Variants in GRM7 observed in about 807,000 individuals in gnomAD.
GRM7 encodes the protein metabotropic glutamate receptor 7.
A neutral mutation model predicts 84.5 loss-of-function variants in GRM7; 35 were observed. The observed-to-expected ratio is 0.41, with a 90% CI of 0.32 to 0.55. GRM7 has a LOEUF of 0.55. Ranked by LOEUF, GRM7 falls within the 20% of genes least tolerant of loss-of-function variation. The pLI is 0.19. For missense variants in GRM7, 1,003 were observed against 1,194.6 expected, an observed-to-expected ratio of 0.84 and a Z score of 2.36; for synonymous variants, 487 against 455.1, an observed-to-expected ratio of 1.07 and a Z score of -0.89.
At chr3:7,667,280 A>AAAAAG (rs1553634441) in intron 8 of GRM7, among the ~76,000 whole-genome samples, 105 of 148,818 alleles carry the variant, frequency 7.1e-4, no homozygotes, top group Non-Finnish European at 1.2e-3. Context: ...AAAAAAAAAA[A>AAAAAG]AGAGAGAGAG....
intron 7 of GRM7, among the ~76,000 whole-genome samples, chr3:7,478,861 G>GT (rs1699025931): frequency 5.9e-5 from 9 of 152,150 alleles, no homozygotes; most frequent in Admixed American, 5.2e-4. Context: ...GTTAGCTTTT[G>GT]TTTTACTGAC....
At chr3:7,730,262 TC>T (rs1308669182) in intron 9 of GRM7, among the ~76,000 whole-genome samples, 3 of 152,178 alleles carry the variant, frequency 2.0e-5, no homozygotes, top group Admixed American at 6.5e-5. Context: ...CACCTTGGCC[TC>T]CCAAAGTGCT....
intron 4 of GRM7, among the ~76,000 whole-genome samples, chr3:7,387,564 A>G (rs1694833909): frequency 6.6e-6 from 1 of 151,776 alleles, no homozygotes; most frequent in Non-Finnish European, 1.5e-5. Context: ...TCTATTGTTT[A>G]TTTGCTGACT....
intron 2 of GRM7, among the ~76,000 whole-genome samples, chr3:7,240,120 G>GTCTTTT (rs1697495230): frequency 1.9e-5 from 1 of 52,732 alleles, no homozygotes; most frequent in African/African-American, 7.0e-5. Flanking sequence ...AGCATGTGAG[G>GTCTTTT]TTTTTTTTTT....
At chr3:7,294,528 C>T (rs752065466) in intron 2 of GRM7, among the ~76,000 whole-genome samples, 1 of 150,696 alleles carries the variant, frequency 6.6e-6, no homozygotes, top group Non-Finnish European at 1.5e-5. Flanking sequence ...TTACCCTTTC[C>T]TTCCTTTTCT....
At chr3:7,713,124 G>GTTTTTTT (rs5846535) in intron 9 of GRM7, among the ~76,000 whole-genome samples, 20 of 97,132 alleles carry the variant, frequency 2.1e-4, no homozygotes, top group South Asian at 1.6e-3. Flanking sequence ...ATTTTGTTTT[G>GTTTTTTT]TTTTTTTTTT....
intron 1 of GRM7, among the ~76,000 whole-genome samples, chr3:6,886,586 C>T (rs1314978926): frequency 6.6e-6 from 1 of 151,896 alleles, no homozygotes; most frequent in South Asian, 2.1e-4. Flanking sequence ...GACTTCTGGT[C>T]CATTGTTTAT....
Position 7,234,853 on chromosome 3 carries a change from A to G in GRM7, c.737-63831A>G, listed in dbSNP as rs570736563. On this transcript the variant is annotated intron_variant, in intron 2 of 9. Coordinates refer to ENST00000357716, the MANE Select transcript of GRM7 (RefSeq NM_000844.4). ...TTAGAGATTATGTTTTGCTTTACTT[A>G]TTTAATATTCTTGAAAGGTGCCAGA... is the stretch of plus-strand genomic sequence containing the variant. 4.5e-4 allele frequency among the ~76,000 whole-genome samples: 69 copies of G among 152,292 alleles called. No individual in the cohort carries two copies. In the South Asian group the frequency reaches 0.011, roughly 24 times the overall value.
At position 7,093,676 on chromosome 3, in the gene GRM7, C is replaced by CAAAAAAAAAAAAAAAAAAAAAAA. The variant is rs1209938099; in HGVS notation, c.520-52760_520-52738dup. Among the ~76,000 whole-genome samples, 2 of 13,940 alleles carry CAAAAAAAAAAAAAAAAAAAAAAA rather than the reference C, an allele frequency of 1.4e-4. 1 individual carries two copies. Among genetic ancestry groups the CAAAAAAAAAAAAAAAAAAAAAAA allele is most frequent in the African/African-American group, 5.5e-4 (2 of 3,644 alleles). 9.1% of individuals were successfully genotyped at this position (13,940 alleles called of 152,430 possible). A position where few individuals can be genotyped will look rare whatever the true frequency, so the allele number is the denominator to read the frequency against. On this transcript the variant is annotated intron_variant, in intron 1 of 9. Coordinates refer to ENST00000357716, the MANE Select transcript of GRM7 (RefSeq NM_000844.4). ...TGGGCGATAGAGCAAGACTCTGTCT[C>CAAAAAAAAAAAAAAAAAAAAAAA]AAAAAAAAAAAAAAAAAAAAAAAAA...
intron 7 of GRM7, among the ~76,000 whole-genome samples, chr3:7,552,686 C>T (rs1212332321): frequency 1.3e-5 from 2 of 152,192 alleles, no homozygotes; most frequent in Non-Finnish European, 2.9e-5. Context: ...GTGAGTTGTA[C>T]ATTGGACCCT....
chr3:7,388,588 A>G (rs1341660550), intron 4 of GRM7, among the ~76,000 whole-genome samples: 5 of 151,918 alleles, frequency 3.3e-5, no homozygotes, highest in Non-Finnish European at 7.4e-5. Flanking sequence ...TTTTTGGTTC[A>G]TAGATTTTTT....
intron 5 of GRM7, among the ~76,000 whole-genome samples, chr3:7,447,357 T>G (rs1014306093): frequency 6.6e-6 from 1 of 152,212 alleles, no homozygotes; most frequent in African/African-American, 2.4e-5. Context: ...AGTGTGTGTG[T>G]GGGTGTGTTT....
At chr3:6,920,907 G>A (rs1376008208) in intron 1 of GRM7, among the ~76,000 whole-genome samples, 2 of 152,124 alleles carry the variant, frequency 1.3e-5, no homozygotes, top group Non-Finnish European at 2.9e-5. Flanking sequence ...TCACCAGCAT[G>A]TCTCTAGCCA....
At chr3:7,341,784 C>T (rs1692645645) in intron 4 of GRM7, among the ~76,000 whole-genome samples, 1 of 152,162 alleles carries the variant, frequency 6.6e-6, no homozygotes, top group Admixed American at 6.6e-5. Context: ...TAGGACCCCA[C>T]ATTAAAGAAC....
chr3:7,537,373 T>C (rs1701281133), intron 7 of GRM7, among the ~76,000 whole-genome samples: 1 of 152,202 alleles, frequency 6.6e-6, no homozygotes, highest in Non-Finnish European at 1.5e-5. Flanking sequence ...AAAGGGACAA[T>C]GAATCTTTGG....
At chr3:7,024,597 G>T (rs73808615) in intron 1 of GRM7, among the ~76,000 whole-genome samples, 2 of 152,210 alleles carry the variant, frequency 1.3e-5, no homozygotes, top group Admixed American at 6.5e-5. Context: ...ACTGCAGCAG[G>T]CATGGAGATG....
At chr3:6,880,230 T>G (rs1273670213) in intron 1 of GRM7, among the ~76,000 whole-genome samples, 2 of 152,128 alleles carry the variant, frequency 1.3e-5, no homozygotes, top group African/African-American at 4.8e-5. Flanking sequence ...AACCCCAAAT[T>G]CTACTTTATT....
intron 1 of GRM7, among the ~76,000 whole-genome samples, chr3:6,949,243 CA>C (rs1692594298): frequency 6.6e-6 from 1 of 152,180 alleles, no homozygotes; most frequent in Admixed American, 6.6e-5. Context: ...TCTTTTAGAG[CA>C]GGCCTGGTGG....
intron 2 of GRM7, among the ~76,000 whole-genome samples, chr3:7,249,899 A>G (rs1247538498): frequency 6.6e-6 from 1 of 152,178 alleles, no homozygotes; most frequent in Non-Finnish European, 1.5e-5. Flanking sequence ...TGAGATTGGT[A>G]CCAGGTGATA....
Sources: gnomAD v4.1 joint callset for allele counts (sites outside exome capture counted in the v4.1 genomes callset) on GRCh38, gnomAD v4.1.1 for gene constraint, MANE v1.5 for transcripts, NCBI Gene and HGNC (gene_info 2026-07-23, HGNC 2026-07-21) for gene names.